The following GNAQ variants were observed in gnomAD, a reference collection of about 807,000 sequenced individuals.
The protein encoded by GNAQ is guanine nucleotide-binding protein G(q) subunit alpha.
A neutral mutation model predicts 43.9 loss-of-function variants in GNAQ; 8 were observed. That is an observed-to-expected ratio of 0.18 (90% CI 0.11 to 0.33). GNAQ has a LOEUF of 0.33. Ranked by LOEUF, GNAQ falls within the 10% of genes least tolerant of loss-of-function variation. The pLI, the probability that GNAQ is intolerant of heterozygous loss-of-function variation, is 1.00. For missense variants in GNAQ, 158 were observed against 450.8 expected (o/e 0.35, Z 5.88); for synonymous variants, 155 against 170.7 (o/e 0.91, Z 0.71).
intron 2 of GNAQ, among the ~76,000 whole-genome samples, chr9:77,903,708 AGTGT>A (rs1389494472): frequency 6.6e-6 from 1 of 152,108 alleles, no homozygotes; most frequent in Non-Finnish European, 1.5e-5. Context: ...TTAAAGCACA[AGTGT>A]GTGTATGTAT....
chr9:77,876,859 A>C lies in GNAQ; in HGVS notation c.321+45302T>G, dbSNP rs114200245. ...AACTGTAGGAGTGTGAGCTATCTAC[A>C]ACAGCGATAGTCTCAACTTGACTTT... On this transcript the variant is annotated intron_variant, in intron 2 of 6. Transcript: ENST00000286548. 7.3e-3 allele frequency among the ~76,000 whole-genome samples: 1,106 copies of C among 152,352 alleles called. 21 individuals carry two copies. The highest frequency in any genetic ancestry group is 0.025 in the African/African-American group (1,034 of 41,584).
chr9:77,889,820 T>C (rs1332406274), intron 2 of GNAQ, among the ~76,000 whole-genome samples: 1 of 152,190 alleles, frequency 6.6e-6, no homozygotes, highest in Non-Finnish European at 1.5e-5. Flanking sequence ...TCTTTTGGTT[T>C]TTTCCCAAAC....
chr9:77,960,155 C>A (rs1474688617), intron 1 of GNAQ, among the ~76,000 whole-genome samples: 5 of 152,246 alleles, frequency 3.3e-5, no homozygotes, highest in Non-Finnish European at 7.4e-5. Context: ...TCACTGGAAT[C>A]ATCCTGCTCA....
chr9:77,836,465 A>C (rs911762416), intron 2 of GNAQ, among the ~76,000 whole-genome samples: 1 of 152,092 alleles, frequency 6.6e-6, no homozygotes, highest in Non-Finnish European at 1.5e-5. Context: ...GAAATAATCT[A>C]TTTCTTCTTT....
intron 2 of GNAQ, among the ~76,000 whole-genome samples, chr9:77,828,356 C>T (rs978270535): frequency 6.6e-6 from 1 of 152,114 alleles, no homozygotes; most frequent in African/African-American, 2.4e-5. Context: ...TGCCAGTAGA[C>T]ACTGCACAGG....
At chr9:77,863,880 G>C (rs969837535) in intron 2 of GNAQ, among the ~76,000 whole-genome samples, 2 of 152,100 alleles carry the variant, frequency 1.3e-5, no homozygotes, top group African/African-American at 4.8e-5. Flanking sequence ...AATAGCAAGG[G>C]AAAGACCTGC....
At chr9:77,730,890 A>G (rs781514960) in intron 5 of GNAQ, among the ~76,000 whole-genome samples, 2 of 152,240 alleles carry the variant, frequency 1.3e-5, no homozygotes, top group Non-Finnish European at 2.9e-5. Flanking sequence ...GAACTGAAAT[A>G]ATTAAAAAAA....
intron 2 of GNAQ, among the ~76,000 whole-genome samples, chr9:77,828,658 A>G (rs925065094): frequency 2.6e-5 from 4 of 152,350 alleles, no homozygotes; most frequent in African/African-American, 9.6e-5. Flanking sequence ...TTAGATCAAT[A>G]AATATTTCTA....
intron 2 of GNAQ, among the ~76,000 whole-genome samples, chr9:77,884,400 G>A (rs1828267110): frequency 6.6e-6 from 1 of 152,200 alleles, no homozygotes; most frequent in Admixed American, 6.5e-5. Context: ...AAGAGAAAAT[G>A]CAAACGACTA....
chr9:77,742,562 C>T (rs377634806), intron 5 of GNAQ, among the ~76,000 whole-genome samples: 6 of 151,234 alleles, frequency 4.0e-5, no homozygotes, highest in Non-Finnish European at 7.4e-5. Flanking sequence ...TACTAAGTTA[C>T]GCAGTCAGAA....
chr9:77,807,598 G>A (rs573095172), intron 3 of GNAQ, among the ~76,000 whole-genome samples: 10 of 152,184 alleles, frequency 6.6e-5, no homozygotes, highest in Non-Finnish European at 8.8e-5. Context: ...CCTACCAAAC[G>A]TTTCATTGTG....
At chr9:77,723,331 G>C (rs775022094) in intron 6 of GNAQ, among the ~76,000 whole-genome samples, 6 of 152,152 alleles carry the variant, frequency 3.9e-5, no homozygotes, top group Non-Finnish European at 7.3e-5. Flanking sequence ...CAGTTTGGTG[G>C]TTCCTCAAAA....
intron 1 of GNAQ, among the ~76,000 whole-genome samples, chr9:78,006,399 A>C (rs1444577976): frequency 6.6e-6 from 1 of 152,202 alleles, no homozygotes; most frequent in African/African-American, 2.4e-5. Flanking sequence ...AACCAAAAAC[A>C]CTGTCTTGTA....
At chr9:77,780,901 G>C (rs1306571195) in intron 5 of GNAQ, among the ~76,000 whole-genome samples, 1 of 149,794 alleles carries the variant, frequency 6.7e-6, no homozygotes, top group Non-Finnish European at 1.5e-5. Context: ...TTGACTGTGT[G>C]TCTTCCTTTG....
intron 1 of GNAQ, among the ~76,000 whole-genome samples, chr9:77,971,265 C>T (rs1016404965): frequency 6.6e-6 from 1 of 152,170 alleles, no homozygotes; most frequent in Non-Finnish European, 1.5e-5. Context: ...GGGAATCCAC[C>T]CGAACTCATT....
intron 1 of GNAQ, among the ~76,000 whole-genome samples, chr9:77,991,708 C>T (rs988490157): frequency 2.6e-5 from 4 of 152,098 alleles, no homozygotes; most frequent in Non-Finnish European, 5.9e-5. Flanking sequence ...AGTCTTTTAT[C>T]CCTCACCCCC....
chr9:78,007,311 T>C (rs1490073894), intron 1 of GNAQ, among the ~76,000 whole-genome samples: 2 of 150,992 alleles, frequency 1.3e-5, no homozygotes, highest in African/African-American at 4.9e-5. Flanking sequence ...CAAAGGACAC[T>C]TAAAAACCTT....
intron 5 of GNAQ, among the ~76,000 whole-genome samples, chr9:77,750,012 T>C (rs373179947): frequency 1.2e-4 from 18 of 152,154 alleles, no homozygotes; most frequent in African/African-American, 4.1e-4. Flanking sequence ...TTTTGCAAGA[T>C]TGGGCTAAAA....
intron 5 of GNAQ, among the ~76,000 whole-genome samples, chr9:77,758,140 C>T (rs1431335273): frequency 6.6e-6 from 1 of 152,198 alleles, no homozygotes; most frequent in African/African-American, 2.4e-5. Context: ...GTGGTGGGAC[C>T]ATCTTTAATT....
Sources: allele counts gnomAD v4.1 joint callset (sites outside exome capture counted in the v4.1 genomes callset), GRCh38; gene constraint gnomAD v4.1.1; transcripts MANE v1.5; gene names NCBI Gene and HGNC (gene_info 2026-07-23, HGNC 2026-07-21).